The following SLC4A8 variants were observed in gnomAD, a reference collection of about 807,000 sequenced individuals.
SLC4A8 encodes electroneutral sodium bicarbonate exchanger 1.
In SLC4A8, 40 loss-of-function variants were observed where a neutral mutation model predicts 125.0. The ratio of observed to expected loss-of-function variants is 0.32; its 90% CI spans 0.25 to 0.42. The LOEUF (loss-of-function observed/expected upper bound fraction) is 0.42. Ranked by LOEUF, SLC4A8 falls within the 10% of genes least tolerant of loss-of-function variation. SLC4A8 has a pLI of 1.00. For synonymous variants in SLC4A8, 456 were observed against 476.0 expected (o/e 0.96, Z 0.55); for missense variants, 863 against 1,355.1 (o/e 0.64, Z 5.70).
intron 1 of SLC4A8, among the ~76,000 whole-genome samples, chr12:51,432,252 C>T (rs1388875833): frequency 2.0e-5 from 3 of 148,160 alleles, no homozygotes; most frequent in Non-Finnish European, 3.0e-5. Flanking sequence ...ACTAAAAATA[C>T]AAAAAAAAAT....
rs1165129232 is a variant in SLC4A8, at chr12:51,511,256, A to G, written c.*3818A>G. The G allele has an allele frequency of 6.6e-6, 1 of 152,184 alleles. No homozygotes were observed. Among genetic ancestry groups the G allele is most frequent in the Non-Finnish European group, 1.5e-5 (1 of 68,048 alleles). The allele number at this position is 152,184 out of a possible 1,614,324, so 9.4% of individuals were successfully genotyped here. ...AGGCAAGGCTGTCATGGTGATTTTCACAGCATCTGGATGGCAAATTGCCTT... is the reference window on the plus strand; with the variant it reads ...AGGCAAGGCTGTCATGGTGATTTTCGCAGCATCTGGATGGCAAATTGCCTT... On this transcript the variant is annotated 3_prime_UTR_variant, in exon 25 of 25. Transcript: ENST00000453097.
At chr12:51,413,066 C>T (rs1212682125) in intron 1 of SLC4A8, among the ~76,000 whole-genome samples, 1 of 152,210 alleles carries the variant, frequency 6.6e-6, no homozygotes, top group Non-Finnish European at 1.5e-5. Flanking sequence ...TCCCTGCATC[C>T]TCACCAACAT....
chr12:51,393,634 A>C (rs1019516082), intron 1 of SLC4A8, among the ~76,000 whole-genome samples: 5 of 152,196 alleles, frequency 3.3e-5, no homozygotes, highest in Non-Finnish European at 7.3e-5. Context: ...GGAGAAGAAG[A>C]GTTGCCCAGC....
At chr12:51,488,657 A>C in intron 17 of SLC4A8, 42 bp from the exon 18 acceptor site, 2 of 1,528,872 alleles carry the variant, frequency 1.3e-6, no homozygotes, top group Non-Finnish European at 1.8e-6. Flanking sequence ...TACCCCAATG[A>C]CTATAACTTA....
chr12:51,404,597 G>A (rs1948453408), intron 1 of SLC4A8, among the ~76,000 whole-genome samples: 1 of 152,138 alleles, frequency 6.6e-6, no homozygotes, highest in Admixed American at 6.5e-5. Context: ...ATCATTAGAT[G>A]GGAAGTTATG....
At chr12:51,479,763 T>C (rs963374384) in intron 16 of SLC4A8, among the ~76,000 whole-genome samples, 1 of 151,978 alleles carries the variant, frequency 6.6e-6, no homozygotes, top group African/African-American at 2.4e-5. Context: ...ATAATAAAAT[T>C]TTATAAATAA....
rs569785833 is a variant in SLC4A8 at position 51,488,467 on chromosome 12, C to T, written c.2287-232C>T. On this transcript the variant is annotated intron_variant, in intron 17 of 24. Transcript: ENST00000453097. ...GTTGTTTCTTTTCTTATCTACCATC[C>T]TGCAAACCCAAGAATTTCTGTTAGT... Among the ~76,000 whole-genome samples the T allele has an allele frequency of 2.8e-4, 42 of 152,176 alleles. 1 individual carries two copies. In the South Asian group the frequency reaches 6.7e-3, roughly 24 times the overall value.
At chr12:51,476,345 G>A (rs571408221) in intron 16 of SLC4A8, among the ~76,000 whole-genome samples, 2 of 152,202 alleles carry the variant, frequency 1.3e-5, no homozygotes, top group African/African-American at 4.8e-5. Context: ...GTTGGGCATG[G>A]TAGCACATGC....
chr12:51,506,974 G>A (rs755737684), intron 24 of SLC4A8, among the ~76,000 whole-genome samples: 7 of 151,836 alleles, frequency 4.6e-5, no homozygotes, highest in Non-Finnish European at 8.8e-5. Context: ...AAAAAAAAAA[G>A]CTAGGAATTA....
chr12:51,392,850 T>G (rs550834742), intron 1 of SLC4A8: 2 of 152,292 alleles, frequency 1.3e-5, no homozygotes, highest in South Asian at 4.1e-4. Context: ...TGCTGCAATC[T>G]TTTGGGGCCT....
intron 16 of SLC4A8, among the ~76,000 whole-genome samples, chr12:51,475,446 T>A (rs1199457313): frequency 1.3e-5 from 2 of 152,200 alleles, no homozygotes; most frequent in African/African-American, 2.4e-5. Context: ...GTTAAGGTGG[T>A]AGTGATGGTT....
chr12:51,471,875 G>T (rs997464176), intron 14 of SLC4A8, among the ~76,000 whole-genome samples: 1 of 152,218 alleles, frequency 6.6e-6, no homozygotes, highest in Non-Finnish European at 1.5e-5. Context: ...CAAGGACTTT[G>T]TGAGCCTCTG....
intron 1 of SLC4A8, among the ~76,000 whole-genome samples, chr12:51,437,393 A>G (rs1949453900): frequency 6.6e-6 from 1 of 152,034 alleles, no homozygotes; most frequent in East Asian, 1.9e-4. Flanking sequence ...CTGGTGGGAG[A>G]TGTTTGGGTC....
intron 1 of SLC4A8, among the ~76,000 whole-genome samples, chr12:51,412,780 A>G (rs1948619763): frequency 6.6e-6 from 1 of 152,212 alleles, no homozygotes; most frequent in South Asian, 2.1e-4. Flanking sequence ...TTTATGCTTA[A>G]TAGCATTCAG....
At chr12:51,408,589 C>G (rs1339490825) in intron 1 of SLC4A8, among the ~76,000 whole-genome samples, 1 of 152,122 alleles carries the variant, frequency 6.6e-6, no homozygotes, top group African/African-American at 2.4e-5. Flanking sequence ...TGGCAAAGAC[C>G]AGTGCTCCCA....
At position 51,417,620 on chromosome 12, in the gene SLC4A8, C is replaced by T. The variant is rs553848648; in HGVS notation, c.-111-23088C>T. Among the ~76,000 whole-genome samples, 11 of 152,100 alleles carry T rather than the reference C, an allele frequency of 7.2e-5. 1 individual carries two copies. The East Asian group carries it at 9.7e-4, about 13-fold the overall frequency. On this transcript the variant is annotated intron_variant, in intron 1 of 24. Coordinates refer to the SLC4A8 transcript ENST00000358657. The stretch of plus-strand genomic sequence containing the variant: ...GCAGCCTCCACCTCCCGGGTTCAAG[C>T]GATTCTCCTGCCTCAGCCTCCCGAG...
At chr12:51,419,352 C>G (rs1948741541) in intron 1 of SLC4A8, among the ~76,000 whole-genome samples, 1 of 152,198 alleles carries the variant, frequency 6.6e-6, no homozygotes, top group Non-Finnish European at 1.5e-5. Flanking sequence ...AAGAACTTCC[C>G]TACTTAGTAT....
intron 4 of SLC4A8, 22 bp downstream of exon 4, chr12:51,452,281 C>T: frequency 6.2e-7 from 1 of 1,613,750 alleles, no homozygotes; most frequent in South Asian, 1.1e-5. Flanking sequence ...AAATGGCCTG[C>T]ATCAAGATCT....
intron 5 of SLC4A8, among the ~76,000 whole-genome samples, chr12:51,455,579 T>C (rs923020831): frequency 5.9e-5 from 9 of 152,180 alleles, no homozygotes; most frequent in Non-Finnish European, 8.8e-5. Flanking sequence ...TGTTAAGTTA[T>C]TATGTTTGGG....
Sources: gnomAD v4.1 joint callset for allele counts (sites outside exome capture counted in the v4.1 genomes callset) on GRCh38, gnomAD v4.1.1 for gene constraint, MANE v1.5 for transcripts, NCBI Gene and HGNC (gene_info 2026-07-23, HGNC 2026-07-21) for gene names.